PUS7: variants seen among roughly 807,000 people sequenced by gnomAD.
PUS7 encodes pseudouridine synthase 7, also known as pseudouridylate synthase 7 homolog.
Under a neutral mutation model 79.8 loss-of-function variants are expected in PUS7, and 48 were observed. That is an observed-to-expected ratio of 0.60 (90% CI 0.48 to 0.76). The LOEUF (loss-of-function observed/expected upper bound fraction) is 0.76. Ranked by LOEUF, PUS7 falls within the 30% of genes least tolerant of loss-of-function variation. The pLI, the probability that PUS7 is intolerant of heterozygous loss-of-function variation, is 0.00. For missense variants in PUS7, 729 were observed against 797.6 expected, an observed-to-expected ratio of 0.91 and a Z score of 1.04; for synonymous variants, 286 against 272.2, an observed-to-expected ratio of 1.05 and a Z score of -0.50.
At chr7:105,511,698 T>C (rs183337701) in intron 1 of PUS7, among the ~76,000 whole-genome samples, 1 of 151,516 alleles carries the variant, frequency 6.6e-6, no homozygotes, top group African/African-American at 2.4e-5. Flanking sequence ...GAGGTAGAGG[T>C]TGCACTGAGT....
At chr7:105,504,410 C>T (rs1477736933) in intron 4 of PUS7, among the ~76,000 whole-genome samples, 3 of 152,014 alleles carry the variant, frequency 2.0e-5, no homozygotes, top group Admixed American at 1.3e-4. Flanking sequence ...TGAAAAAAAT[C>T]CACCAAACTA....
Position 105,457,604 on chromosome 7 carries a change from C to T in PUS7, c.*186G>A. ...TATTCTGAGCTAAAATTAAGAACCT[C>T]AGGATTTGTGTACATGTACAAATAT... On this transcript the variant is annotated 3_prime_UTR_variant, in exon 16 of 16. Transcript: ENST00000469408. The T allele has an allele frequency of 2.2e-6, 1 of 460,268 alleles. No individual in the cohort carries two copies. Among genetic ancestry groups the T allele is most frequent in the Non-Finnish European group, 3.6e-6 (1 of 276,908 alleles). The allele number at this position is 460,268 out of a possible 1,614,324, so 28.5% of individuals were successfully genotyped here.
chr7:105,471,010 T>G (rs1341196434), intron 10 of PUS7, among the ~76,000 whole-genome samples, 162 bp from the exon 11 acceptor site: 1 of 152,228 alleles, frequency 6.6e-6, no homozygotes, highest in Non-Finnish European at 1.5e-5. Flanking sequence ...ATGGGAAATG[T>G]AGAAAGTTTA....
At chr7:105,501,738 G>A (rs1046637266) in intron 5 of PUS7, among the ~76,000 whole-genome samples, 1 of 151,872 alleles carries the variant, frequency 6.6e-6, no homozygotes, top group Non-Finnish European at 1.5e-5. Context: ...GGTGGATCAC[G>A]AGGTCAGGAG....
At position 105,470,650 on chromosome 7, in the gene PUS7, G is replaced by T. The variant is rs768515655; in HGVS notation, c.1398+38C>A. 6 of 1,513,272 alleles carry T rather than the reference G, an allele frequency of 4.0e-6. No individual in the cohort carries two copies. The Admixed American group carries it at 1.1e-4, about 27-fold the overall frequency. 93.7% of individuals were successfully genotyped at this position (1,513,272 alleles called of 1,614,324 possible). A position where few individuals can be genotyped will look rare whatever the true frequency, so the allele number is the denominator to read the frequency against. ...GATGAAATTTAAAAAGCATTAAAAC[G>T]CCTTGAGCCATTGCCTGACTTCACA... On this transcript the variant is annotated intron_variant, in intron 11 of 15. Transcript: ENST00000469408.
intron 5 of PUS7, among the ~76,000 whole-genome samples, chr7:105,498,548 T>C (rs767188897): frequency 2.6e-4 from 40 of 152,128 alleles, no homozygotes; most frequent in Non-Finnish European, 4.7e-4. Context: ...GAAGTTTGAT[T>C]TATTGAGCAC....
At position 105,462,538 on chromosome 7, in the gene PUS7, G is replaced by A. The variant is rs924921843; in HGVS notation, c.1757+83C>T. ...GTCACTGACTGAAAATTCTTGTGCA[G>A]TACATGACTCTATATAAAGTGAAGC... On this transcript the variant is annotated intron_variant, in intron 14 of 15. Transcript: ENST00000469408. 1.1e-5 allele frequency: 16 copies of A among 1,485,610 alleles called. 1 individual carries two copies. In the Admixed American group the frequency reaches 1.6e-4, roughly 15 times the overall value. 92.0% of individuals were successfully genotyped at this position (1,485,610 alleles called of 1,614,324 possible). A position where few individuals can be genotyped will look rare whatever the true frequency, so the allele number is the denominator to read the frequency against.
Position 105,502,510 on chromosome 7 carries a change from G to C in PUS7, c.640C>G (p.Leu214Val). The C allele has an allele frequency of 2.5e-6, 4 of 1,614,054 alleles. No homozygotes were observed. The highest frequency in any genetic ancestry group is 3.4e-6 in the Non-Finnish European group (4 of 1,179,960). Residue 214 changes from leucine to valine, a missense_variant, in exon 5 of 16, where the codon CTG becomes GTG. Transcript: ENST00000469408. ...GTTTTTGTCTCTAATCCTGGAAACA[G>C]AGATTTGATAGCCTGATGGATGATG... is the stretch of plus-strand genomic sequence containing the variant. ...RTIIHQAIKSLFPGLETKTED... is the reference protein window; with the variant it reads ...RTIIHQAIKSVFPGLETKTED...
At position 105,502,532 on chromosome 7, in the gene PUS7, G is replaced by A. The variant is rs1271568102; in HGVS notation, c.618C>T (p.Ile206=). 1 of 1,613,944 alleles carries A rather than the reference G, an allele frequency of 6.2e-7. No homozygotes were observed. The highest frequency in any genetic ancestry group is 1.1e-5 in the South Asian group (1 of 91,066). ...VIEDTKEKRT[I]IHQAIKSLFP... ...ACAGAGATTTGATAGCCTGATGGAT[G>A]ATGGTTCTTTTCTCTTTGGTGTCCT... Residue 206 remains isoleucine (I), a synonymous_variant, in exon 5 of 16, where the codon ATC becomes ATT. Transcript: ENST00000469408.
intron 11 of PUS7, among the ~76,000 whole-genome samples, chr7:105,469,113 C>T (rs1823774847): frequency 6.6e-6 from 1 of 151,892 alleles, no homozygotes; most frequent in African/African-American, 2.4e-5. Context: ...CCATGTTGCC[C>T]AGGCTGGTCA....
At chr7:105,508,624 T>G in intron 1 of PUS7, 80 bp from the exon 2 acceptor site, 2 of 1,500,134 alleles carry the variant, frequency 1.3e-6, no homozygotes. Context: ...ACACCTGTAA[T>G]CCCAGCGTTT....
chr7:105,468,837 A>C (rs1297943186), intron 11 of PUS7, among the ~76,000 whole-genome samples: 1 of 151,568 alleles, frequency 6.6e-6, no homozygotes, highest in African/African-American at 2.4e-5. Flanking sequence ...TGTACTTTCT[A>C]AGACATTTTG....
chr7:105,461,924 T>A (rs1823444403), intron 14 of PUS7, among the ~76,000 whole-genome samples: 1 of 152,056 alleles, frequency 6.6e-6, no homozygotes, highest in African/African-American at 2.4e-5. Context: ...ATGCCCGTAA[T>A]CCCAATACTT....
intron 4 of PUS7, among the ~76,000 whole-genome samples, chr7:105,505,003 ATTTT>A (rs112752687): frequency 1.4e-5 from 2 of 142,656 alleles, no homozygotes; most frequent in Admixed American, 7.1e-5. Flanking sequence ...ATTTAACATA[ATTTT>A]TTTTTTTTTT....
rs1053343477 is a variant in PUS7, at chr7:105,457,131, T to C, written c.*659A>G. The C allele has an allele frequency of 6.6e-6, 1 of 150,774 alleles. No homozygotes were observed. The highest frequency in any genetic ancestry group is 2.4e-5 in the African/African-American group (1 of 40,924). 9.3% of individuals were successfully genotyped at this position (150,774 alleles called of 1,614,324 possible). A position where few individuals can be genotyped will look rare whatever the true frequency, so the allele number is the denominator to read the frequency against. On this transcript the variant is annotated 3_prime_UTR_variant, in exon 16 of 16. Transcript: ENST00000469408. Reference sequence around the variant, plus strand: ...ATCCAGCCTGTGCTACAGAGTGAGATCCTGTCTCGAAAAAAAAAATAAAAA... The same window carrying C: ...ATCCAGCCTGTGCTACAGAGTGAGACCCTGTCTCGAAAAAAAAAATAAAAA...
Position 105,508,546 on chromosome 7 carries a change from T to C in PUS7, c.-32-2A>G. 6.3e-7 allele frequency: 1 copy of C among 1,589,362 alleles called. No individual in the cohort carries two copies. Among genetic ancestry groups the C allele is most frequent in the Non-Finnish European group, 8.6e-7 (1 of 1,169,050 alleles). On this transcript the variant is annotated splice_acceptor_variant, in intron 1 of 15. Coordinates refer to ENST00000469408, the MANE Select transcript of PUS7 (RefSeq NM_019042.5). LOFTEE classifies it low-confidence loss of function (5UTR_SPLICE). ...CTCCAAGAAAACATTTAAGAAAACC[T>C]GTTAGGAAAGAGTAGAAAGTAACAA... is the stretch of plus-strand genomic sequence containing the variant.
At chr7:105,473,655 G>A (rs976277529) in intron 9 of PUS7, among the ~76,000 whole-genome samples, 19 of 151,930 alleles carry the variant, frequency 1.3e-4, no homozygotes, top group South Asian at 4.1e-4. Flanking sequence ...TTGGCCTCAC[G>A]TGATCCGCCT....
chr7:105,512,012 G>A (rs1825720447), intron 1 of PUS7, among the ~76,000 whole-genome samples: 1 of 151,834 alleles, frequency 6.6e-6, no homozygotes, highest in Non-Finnish European at 1.5e-5. Flanking sequence ...AGGCATGGTG[G>A]CGGGCGCCTG....
At chr7:105,475,108 G>A (rs1378440894) in intron 9 of PUS7, among the ~76,000 whole-genome samples, 1 of 152,166 alleles carries the variant, frequency 6.6e-6, no homozygotes, top group Non-Finnish European at 1.5e-5. Context: ...TAAAGGTTTA[G>A]TATACAATGC....
Sources: gnomAD v4.1 joint callset for allele counts (sites outside exome capture counted in the v4.1 genomes callset) on GRCh38, gnomAD v4.1.1 for gene constraint, MANE v1.5 for transcripts, NCBI Gene and HGNC (gene_info 2026-07-23, HGNC 2026-07-21) for gene names.